NEDD4L: variants seen among roughly 807,000 people sequenced by gnomAD.
NEDD4L encodes E3 ubiquitin-protein ligase NEDD4-like.
NEDD4L carries 54 observed loss-of-function variants against 148.9 expected under a neutral mutation model. The ratio of observed to expected loss-of-function variants is 0.36; its 90% CI spans 0.29 to 0.45. The LOEUF is 0.45. Ranked by LOEUF, NEDD4L falls within the 20% of genes least tolerant of loss-of-function variation. The pLI, the probability that NEDD4L is intolerant of heterozygous loss-of-function variation, is 1.00. For synonymous variants in NEDD4L, 433 were observed against 440.7 expected, an observed-to-expected ratio of 0.98 and a Z score of 0.22; for missense variants, 856 against 1,233.8, an observed-to-expected ratio of 0.69 and a Z score of 4.59.
At chr18:58,257,531 A>G (rs1056150486) in intron 5 of NEDD4L, among the ~76,000 whole-genome samples, 1 of 152,162 alleles carries the variant, frequency 6.6e-6, no homozygotes, top group African/African-American at 2.4e-5. Context: ...GTGCAATTTA[A>G]CACTGCACAC....
intron 1 of NEDD4L, among the ~76,000 whole-genome samples, chr18:58,138,753 A>G (rs1466558342): frequency 6.6e-6 from 1 of 152,052 alleles, no homozygotes; most frequent in Non-Finnish European, 1.5e-5. Flanking sequence ...GAGAGAGAGA[A>G]AGCAAGCTCT....
chr18:58,166,675 A>G (rs894634849), intron 2 of NEDD4L, among the ~76,000 whole-genome samples: 3 of 152,242 alleles, frequency 2.0e-5, no homozygotes, highest in Non-Finnish European at 4.4e-5. Context: ...GAGGAGTGAC[A>G]GGAACACTCC....
intron 16 of NEDD4L, among the ~76,000 whole-genome samples, chr18:58,345,004 T>C (rs1046122150): frequency 6.6e-6 from 1 of 152,276 alleles, no homozygotes; most frequent in African/African-American, 2.4e-5. Flanking sequence ...GGGCAGATTG[T>C]ATTTTAAATT....
At chr18:58,255,316 A>T (rs1174084494) in intron 5 of NEDD4L, 11 of 45,754 alleles carry the variant, frequency 2.4e-4, no homozygotes, top group South Asian at 1.9e-3. Flanking sequence ...CTTGCTGTTT[A>T]AAAAAAAAAA....
chr18:58,078,619 G>C (rs1456387680), intron 1 of NEDD4L, among the ~76,000 whole-genome samples: 1 of 152,172 alleles, frequency 6.6e-6, no homozygotes, highest in Non-Finnish European at 1.5e-5. Flanking sequence ...TTCTAGTAAT[G>C]CTCTGACTAC....
intron 5 of NEDD4L, among the ~76,000 whole-genome samples, chr18:58,291,467 G>A (rs1201623353): frequency 1.3e-5 from 2 of 152,144 alleles, no homozygotes; most frequent in Non-Finnish European, 2.9e-5. Context: ...AATGAATCTA[G>A]CACCATTGGT....
chr18:58,164,762 C>T (rs527385946), intron 1 of NEDD4L, among the ~76,000 whole-genome samples: 2 of 152,350 alleles, frequency 1.3e-5, no homozygotes, highest in African/African-American at 4.8e-5. Flanking sequence ...AGCCACCATG[C>T]CTGGCCCCTG....
chr18:58,249,586 T>C (rs2047658998), intron 4 of NEDD4L, among the ~76,000 whole-genome samples: 1 of 152,250 alleles, frequency 6.6e-6, no homozygotes, highest in South Asian at 2.1e-4. Context: ...ATTAGACTGC[T>C]TAGCTATTTA....
chr18:58,354,063 C>T (rs932092087), intron 18 of NEDD4L, among the ~76,000 whole-genome samples: 7 of 152,166 alleles, frequency 4.6e-5, no homozygotes, highest in African/African-American at 1.4e-4. Flanking sequence ...AACGAATGAT[C>T]GAGACTAACC....
intron 1 of NEDD4L, among the ~76,000 whole-genome samples, chr18:58,059,091 C>T (rs6566932): frequency 0.93 from 142,197 of 152,304 alleles, 66,522 homozygotes; most frequent in East Asian, 1. Flanking sequence ...CTATTTTCTT[C>T]TTCTTTCTTT....
chr18:58,219,716 A>G (rs2043529455), intron 2 of NEDD4L, among the ~76,000 whole-genome samples: 1 of 152,082 alleles, frequency 6.6e-6, no homozygotes, highest in African/African-American at 2.4e-5. Flanking sequence ...TAACTTAATT[A>G]CCTCTTTAAA....
chr18:58,316,640 C>T (rs566425937), intron 6 of NEDD4L, among the ~76,000 whole-genome samples: 1 of 152,356 alleles, frequency 6.6e-6, no homozygotes, highest in East Asian at 1.9e-4. Context: ...AGTAGCGGAG[C>T]AGTCGAGGCT....
At position 58,253,911 on chromosome 18, in the gene NEDD4L, T is replaced by G. The variant is rs1444174117; in HGVS notation, c.297+1857T>G. On this transcript the variant is annotated intron_variant, in intron 5 of 30. Transcript: ENST00000400345. ...TGAATACAAGCTATATCTGAAAAAT[T>G]GTGTTTTATAATATTGATGCCTAGT... is the stretch of plus-strand genomic sequence containing the variant. 3.3e-5 allele frequency among the ~76,000 whole-genome samples: 5 copies of G among 152,244 alleles called. 1 individual carries two copies. Among genetic ancestry groups the G allele is most frequent in the African/African-American group, 9.6e-5 (4 of 41,562 alleles).
At chr18:58,093,903 C>G (rs2084221488) in intron 1 of NEDD4L, among the ~76,000 whole-genome samples, 1 of 149,496 alleles carries the variant, frequency 6.7e-6, no homozygotes, top group Non-Finnish European at 1.5e-5. Flanking sequence ...GCATGCCCCA[C>G]TGAATGCTAG....
chr18:58,275,136 A>G (rs1600559076), intron 5 of NEDD4L, among the ~76,000 whole-genome samples: 1 of 152,218 alleles, frequency 6.6e-6, no homozygotes, highest in Middle Eastern at 3.2e-3. Context: ...TAACTTAAAC[A>G]GTTGATTAGC....
intron 5 of NEDD4L, among the ~76,000 whole-genome samples, chr18:58,266,481 T>G (rs1397278347): frequency 6.6e-6 from 1 of 152,144 alleles, no homozygotes; most frequent in African/African-American, 2.4e-5. Flanking sequence ...TATGTGCATA[T>G]TTTGGCCAGT....
At chr18:58,241,599 T>G (rs1272832023) in intron 2 of NEDD4L, among the ~76,000 whole-genome samples, 1 of 150,584 alleles carries the variant, frequency 6.6e-6, no homozygotes, top group Non-Finnish European at 1.5e-5. Context: ...TGGGGCCAGG[T>G]ACCCAGATTT....
intron 5 of NEDD4L, among the ~76,000 whole-genome samples, chr18:58,272,389 G>A (rs950596616): frequency 2.6e-5 from 4 of 152,118 alleles, no homozygotes; most frequent in Admixed American, 1.3e-4. Context: ...TAATCCCAGC[G>A]CTTTGAGAGG....
chr18:58,196,698 T>TTCTC (rs141781416), intron 2 of NEDD4L, among the ~76,000 whole-genome samples: 62 of 134,084 alleles, frequency 4.6e-4, no homozygotes, highest in African/African-American at 1.5e-3. Flanking sequence ...TACTTTTCTG[T>TTCTC]TCTCTCTCTC....
Sources: allele counts gnomAD v4.1 joint callset (sites outside exome capture counted in the v4.1 genomes callset), GRCh38; gene constraint gnomAD v4.1.1; transcripts MANE v1.5; gene names NCBI Gene and HGNC (gene_info 2026-07-23, HGNC 2026-07-21).